The following TBC1D16 variants were observed in gnomAD, a reference collection of about 807,000 sequenced individuals.
The protein encoded by TBC1D16 is CTD-2529O21.1.
In TBC1D16, 58 loss-of-function variants were observed where a neutral mutation model predicts 74.7. That is an observed-to-expected ratio of 0.78 (90% CI 0.63 to 0.97). The LOEUF (loss-of-function observed/expected upper bound fraction) is 0.97. Ranked by LOEUF, TBC1D16 falls within the 50% of genes least tolerant of loss-of-function variation. The pLI is 0.00. For synonymous variants in TBC1D16, 493 were observed against 474.7 expected, an observed-to-expected ratio of 1.04 and a Z score of -0.50; for missense variants, 1,014 against 1,079.5, an observed-to-expected ratio of 0.94 and a Z score of 0.85.
chr17:80,007,122 G>C lies in TBC1D16; in HGVS notation c.779+3038C>G, dbSNP rs118046304. On this transcript the variant is annotated intron_variant, in intron 3 of 11. Coordinates refer to ENST00000310924, the MANE Select transcript of TBC1D16 (RefSeq NM_019020.4). This position sits in a 1 kb window ranked among gnomAD's most constrained non-coding sequence, Gnocchi z 4.5. ...CCAGCACAAAGCTGCAACTCGCCAC[G>C]TTCAGCGAGCCTCCCCTGGACCGGG... Among the ~76,000 whole-genome samples the C allele has an allele frequency of 6.6e-6, 1 of 152,170 alleles. No individual in the cohort carries two copies. Among genetic ancestry groups the C allele is most frequent in the African/African-American group, 2.4e-5 (1 of 41,438 alleles).
rs1249872587 is a variant in TBC1D16, at chr17:79,933,018, C to A, written c.*7841G>T. ...AGCACTTCGTCTAAATTGCATGGCA[C>A]ACACCCCAGGAGCCCAAAGATCTGG... is the stretch of plus-strand genomic sequence containing the variant. On this transcript the variant is annotated 3_prime_UTR_variant, in exon 12 of 12. Coordinates refer to ENST00000310924, the MANE Select transcript of TBC1D16 (RefSeq NM_019020.4). The A allele has an allele frequency of 6.6e-6, 1 of 152,242 alleles. No homozygotes were observed. Among genetic ancestry groups the A allele is most frequent in the Non-Finnish European group, 1.5e-5 (1 of 68,064 alleles). 9.4% of individuals were successfully genotyped at this position (152,242 alleles called of 1,614,324 possible).
At chr17:79,989,602 ACTG>A (rs1453012745) in intron 3 of TBC1D16, among the ~76,000 whole-genome samples, 1 of 152,228 alleles carries the variant, frequency 6.6e-6, no homozygotes, top group African/African-American at 2.4e-5. Flanking sequence ...TGTTCTAGAT[ACTG>A]CTCATGTATT....
chr17:80,027,935 C>T lies in TBC1D16; in HGVS notation c.-63+7860G>A, dbSNP rs571933465. ...AAAAGAGAAGCAGCTAAGGGTAGAT[C>T]CTTGACAATAAGAACCCCCCATTCT... On this transcript the variant is annotated intron_variant, in intron 1 of 11. Coordinates refer to ENST00000310924, the MANE Select transcript of TBC1D16 (RefSeq NM_019020.4). Among the ~76,000 whole-genome samples the T allele has an allele frequency of 4.6e-5, 7 of 150,830 alleles. No homozygotes were observed. The South Asian group carries it at 1.3e-3, about 27-fold the overall frequency.
intron 1 of TBC1D16, among the ~76,000 whole-genome samples, chr17:80,016,741 G>A (rs1288200638): frequency 2.6e-5 from 4 of 152,142 alleles, no homozygotes; most frequent in Non-Finnish European, 5.9e-5. Flanking sequence ...CTGCCTCTCT[G>A]GGTTCCTCTC....
rs2031573526 is a variant in TBC1D16 at position 79,936,177 on chromosome 17, C to G, written c.*4682G>C. ...CACACACACATGCCTGGCGGGATCG[C>G]AGAGGATGGGTCTCGTGGCAGGAGT... is the stretch of plus-strand genomic sequence containing the variant. On this transcript the variant is annotated 3_prime_UTR_variant, in exon 12 of 12. Transcript: ENST00000310924. 6.6e-6 allele frequency: 1 copy of G among 152,286 alleles called. No homozygotes were observed. The highest frequency in any genetic ancestry group is 2.4e-5 in the African/African-American group (1 of 41,458). The allele number at this position is 152,286 out of a possible 1,614,324, so 9.4% of individuals were successfully genotyped here. A position where few individuals can be genotyped will look rare whatever the true frequency, so the allele number is the denominator to read the frequency against.
intron 3 of TBC1D16, among the ~76,000 whole-genome samples, chr17:79,963,692 C>T (rs989136859): frequency 6.6e-6 from 1 of 152,168 alleles, no homozygotes; most frequent in East Asian, 1.9e-4. Flanking sequence ...CTTACATTCC[C>T]GCCAGCAATG....
chr17:79,960,585 G>C (rs767525728), intron 3 of TBC1D16, among the ~76,000 whole-genome samples: 1 of 151,590 alleles, frequency 6.6e-6, no homozygotes, highest in Non-Finnish European at 1.5e-5. Flanking sequence ...GCGAAATCCC[G>C]TTTCTGCTAA....
At chr17:79,996,105 G>A (rs11653700) in intron 3 of TBC1D16, among the ~76,000 whole-genome samples, 61,565 of 152,030 alleles carry the variant, frequency 0.4, 13,351 homozygotes, top group African/African-American at 0.56. Flanking sequence ...CTTCATTGCA[G>A]TGAATCGTTT....
intron 3 of TBC1D16, chr17:79,992,932 T>G (rs1243623683): frequency 6.6e-6 from 1 of 152,354 alleles, no homozygotes; most frequent in African/African-American, 2.4e-5. Context: ...ATTGTCCATG[T>G]AACCCCTGGG....
rs1241902560 is a variant in TBC1D16, at chr17:79,941,878, G to T, written c.2055+182C>A. On this transcript the variant is annotated intron_variant, in intron 11 of 11. Coordinates refer to ENST00000310924, the MANE Select transcript of TBC1D16 (RefSeq NM_019020.4). This position sits in a 1 kb window ranked among gnomAD's most constrained non-coding sequence, Gnocchi z 4.3. Reference sequence around the variant, plus strand: ...GGCCGAGACAGGTGCTGACCACGAGGCCTTAGTGGGGAGCCCCCAGTGCTA... The same window carrying T: ...GGCCGAGACAGGTGCTGACCACGAGTCCTTAGTGGGGAGCCCCCAGTGCTA... 6.6e-6 allele frequency among the ~76,000 whole-genome samples: 1 copy of T among 150,496 alleles called. No homozygotes were observed. Among genetic ancestry groups the T allele is most frequent in the Admixed American group, 6.6e-5 (1 of 15,206 alleles).
chr17:79,943,061 C>T (rs975970605), intron 10 of TBC1D16, among the ~76,000 whole-genome samples: 1 of 152,224 alleles, frequency 6.6e-6, no homozygotes, highest in African/African-American at 2.4e-5. Context: ...CATGTTTAGT[C>T]TCCTGACGTC....
rs1288092821 is a variant in TBC1D16, at chr17:79,950,164, G to A, written c.1257+247C>T. On this transcript the variant is annotated intron_variant, in intron 6 of 11. Coordinates refer to ENST00000310924, the MANE Select transcript of TBC1D16 (RefSeq NM_019020.4). The surrounding 1 kb of genome is among the most constrained non-coding windows in gnomAD (Gnocchi z 4.6). ...ATTTCACTGCAAACCCTTCTATGCA[G>A]GCTGACACGGTATCCCCCCAAACCC... is the stretch of plus-strand genomic sequence containing the variant. Among the ~76,000 whole-genome samples the A allele has an allele frequency of 6.6e-6, 1 of 151,976 alleles. No homozygotes were observed. Among genetic ancestry groups the A allele is most frequent in the Non-Finnish European group, 1.5e-5 (1 of 67,992 alleles).
At position 80,031,519 on chromosome 17, in the gene TBC1D16, G is replaced by A. The variant is rs540037504; in HGVS notation, c.-63+4276C>T. Reference sequence around the variant, plus strand: ...AGGACCATCACCAAAACGGTGGTGAGGGAAAACCTGGTGGCCTGTGTGGCT... The same window carrying A: ...AGGACCATCACCAAAACGGTGGTGAAGGAAAACCTGGTGGCCTGTGTGGCT... On this transcript the variant is annotated intron_variant, in intron 1 of 11. Transcript: ENST00000310924. 3.0e-4 allele frequency among the ~76,000 whole-genome samples: 46 copies of A among 152,248 alleles called. No individual in the cohort carries two copies. In the South Asian group the frequency reaches 8.5e-3, roughly 28 times the overall value.
intron 1 of TBC1D16, among the ~76,000 whole-genome samples, chr17:80,023,687 G>C (rs894697363): frequency 5.4e-5 from 8 of 149,168 alleles, no homozygotes. Flanking sequence ...GGCGTGGCTG[G>C]GGTGGCCCTG....
chr17:79,976,443 A>G (rs948597045), intron 3 of TBC1D16, among the ~76,000 whole-genome samples: 1 of 152,234 alleles, frequency 6.6e-6, no homozygotes, highest in Non-Finnish European at 1.5e-5. Flanking sequence ...GGAAGGCTAG[A>G]GTCACGGTAT....
At chr17:80,011,100 G>C (rs969658428) in intron 2 of TBC1D16, among the ~76,000 whole-genome samples, 1 of 151,948 alleles carries the variant, frequency 6.6e-6, no homozygotes, top group African/African-American at 2.4e-5. Flanking sequence ...GGAGTGCAGT[G>C]GCACAATCTC....
At position 79,950,319 on chromosome 17, in the gene TBC1D16, G is replaced by A; in HGVS notation, c.1257+92C>T. ...GAGGAGGTGGCCCGTGGGTGCGGGCGGGCGGCCAGGCCCCGGCCCTCCTTC... is the reference window on the plus strand; with the variant it reads ...GAGGAGGTGGCCCGTGGGTGCGGGCAGGCGGCCAGGCCCCGGCCCTCCTTC... On this transcript the variant is annotated intron_variant, in intron 6 of 11. Transcript: ENST00000310924. The surrounding 1 kb of genome is among the most constrained non-coding windows in gnomAD (Gnocchi z 4.6). The A allele has an allele frequency of 7.1e-7, 1 of 1,418,298 alleles. No individual in the cohort carries two copies. 87.9% of individuals were successfully genotyped at this position (1,418,298 alleles called of 1,614,324 possible).
Position 79,986,836 on chromosome 17 carries a change from G to A in TBC1D16, c.779+23324C>T, listed in dbSNP as rs1169464659. Among the ~76,000 whole-genome samples, 1 of 152,354 alleles carries A rather than the reference G, an allele frequency of 6.6e-6. No homozygotes were observed. The highest frequency in any genetic ancestry group is 1.9e-4 in the East Asian group (1 of 5,178). ...TCCACGGGAAGATGGGGGTGAACGA[G>A]AAGCCTGAGGCCGGGCCGGTGGGAG... On this transcript the variant is annotated intron_variant, in intron 3 of 11. Coordinates refer to ENST00000310924, the MANE Select transcript of TBC1D16 (RefSeq NM_019020.4). This position sits in a 1 kb window ranked among gnomAD's most constrained non-coding sequence, Gnocchi z 6.0.
At chr17:79,984,233 C>A (rs2034719804) in intron 3 of TBC1D16, among the ~76,000 whole-genome samples, 1 of 152,046 alleles carries the variant, frequency 6.6e-6, no homozygotes, top group Non-Finnish European at 1.5e-5. Context: ...CAATGTTGCC[C>A]AGGCCTGAAG....
Sources: allele counts gnomAD v4.1 joint callset (sites outside exome capture counted in the v4.1 genomes callset), GRCh38; gene constraint gnomAD v4.1.1; non-coding constraint Gnocchi (gnomAD v3.1); transcripts MANE v1.5; gene names NCBI Gene and HGNC (gene_info 2026-07-23, HGNC 2026-07-21).